The following FRMPD4 variants were observed in gnomAD, a reference collection of about 807,000 sequenced individuals.
The protein encoded by FRMPD4 is FERM and PDZ domain-containing protein 4.
A neutral mutation model predicts 94.1 loss-of-function variants in FRMPD4; 22 were observed. The observed-to-expected ratio is 0.23, with a 90% CI of 0.17 to 0.33. The LOEUF is 0.33. Ranked by LOEUF, FRMPD4 falls within the 10% of genes least tolerant of loss-of-function variation. FRMPD4 has a pLI of 1.00. For synonymous variants in FRMPD4, 631 were observed against 548.6 expected (o/e 1.15, Z -2.10); for missense variants, 1,111 against 1,339.9 (o/e 0.83, Z 2.67).
chrX:11,991,453 C>T (rs1049789732), intron 3 of FRMPD4, among the ~76,000 whole-genome samples: 1 of 111,827 alleles, frequency 8.9e-6, no homozygotes, highest in African/African-American at 3.2e-5. Flanking sequence ...CTTACTTTGT[C>T]TTTTTTCTGG....
chrX:12,483,422 AAAGTT>A (rs760306761), intron 1 of FRMPD4, among the ~76,000 whole-genome samples: 47 of 112,246 alleles, frequency 4.2e-4, no homozygotes, highest in Non-Finnish European at 4.3e-4. Flanking sequence ...GGGAGACAAC[AAAGTT>A]AAGTATTAAA....
intron 2 of FRMPD4, among the ~76,000 whole-genome samples, chrX:12,499,895 G>A (rs758640431): frequency 2.7e-5 from 3 of 111,907 alleles, no homozygotes; most frequent in South Asian, 3.8e-4. Flanking sequence ...ATACCTAGGC[G>A]TGGAGTTGCT....
intron 1 of FRMPD4, among the ~76,000 whole-genome samples, chrX:12,314,008 G>A (rs979063321): frequency 8.9e-6 from 1 of 112,247 alleles, no homozygotes. Flanking sequence ...TATAAACATT[G>A]TATCAGTAAG....
intron 1 of FRMPD4, among the ~76,000 whole-genome samples, chrX:12,229,973 T>A (rs2056965864): frequency 8.9e-6 from 1 of 112,039 alleles, no homozygotes; most frequent in Non-Finnish European, 1.9e-5. Flanking sequence ...TTGAATCTTT[T>A]GACCCCACCT....
Position 11,915,514 on chromosome X carries a change from G to A in FRMPD4, c.95+37496G>A, listed in dbSNP as rs775743992. ...AAAGAAGTCCTTGCCCTCATATGGA[G>A]AGCATATGGTACAGAGCTGTGCTGT... On this transcript the variant is annotated intron_variant, in intron 3 of 18. Transcript: ENST00000640291. Among the ~76,000 whole-genome samples, 17 of 112,680 alleles carry A rather than the reference G, an allele frequency of 1.5e-4. No individual in the cohort carries two copies. The South Asian group carries it at 5.5e-3, about 37-fold the overall frequency.
intron 3 of FRMPD4, among the ~76,000 whole-genome samples, chrX:12,092,422 T>A (rs1404593552): frequency 1.8e-5 from 2 of 112,084 alleles, no homozygotes; most frequent in Non-Finnish European, 3.8e-5. Context: ...TCCCTGTTGA[T>A]AATAGCTTTT....
chrX:12,642,042 A>G (rs780577739), intron 4 of FRMPD4, among the ~76,000 whole-genome samples: 12 of 101,556 alleles, frequency 1.2e-4, no homozygotes, highest in Admixed American at 2.1e-4. Flanking sequence ...TTCCTGTTTT[A>G]GAAGTGAAGA....
chrX:12,331,260 G>GTC (rs1316992669), intron 1 of FRMPD4, among the ~76,000 whole-genome samples: 1 of 100,513 alleles, frequency 9.9e-6, no homozygotes, highest in African/African-American at 3.7e-5. Context: ...GGAAAATCTT[G>GTC]TCCATTTTGA....
intron 3 of FRMPD4, among the ~76,000 whole-genome samples, chrX:12,100,201 G>T (rs2147508329): frequency 8.9e-6 from 1 of 112,093 alleles, no homozygotes; most frequent in Admixed American, 9.5e-5. Context: ...CCTAATCTTA[G>T]ATAGAATCTC....
At chrX:12,445,577 C>T (rs768133378) in intron 1 of FRMPD4, among the ~76,000 whole-genome samples, 9 of 112,087 alleles carry the variant, frequency 8.0e-5, no homozygotes, top group East Asian at 5.6e-4. Context: ...TGTAAAAGGT[C>T]GGTAGTTATA....
intron 1 of FRMPD4, among the ~76,000 whole-genome samples, chrX:12,478,272 A>T (rs1407674550): frequency 8.9e-6 from 1 of 111,900 alleles, no homozygotes; most frequent in Non-Finnish European, 1.9e-5. Context: ...AGGGAAGGAC[A>T]GGCCCTAAGA....
intron 1 of FRMPD4, among the ~76,000 whole-genome samples, chrX:12,214,937 A>G (rs2056790887): frequency 8.9e-6 from 1 of 112,043 alleles, no homozygotes; most frequent in Admixed American, 9.5e-5. Flanking sequence ...GAAACATGTA[A>G]TTGGTAATTA....
chrX:12,678,166 A>G (rs2059920522), intron 5 of FRMPD4, among the ~76,000 whole-genome samples: 1 of 112,540 alleles, frequency 8.9e-6, no homozygotes, highest in Admixed American at 9.4e-5. Context: ...TATAAGCATC[A>G]CTTAAATGGC....
intron 1 of FRMPD4, among the ~76,000 whole-genome samples, chrX:12,381,785 C>G (rs1266460650): frequency 2.7e-5 from 3 of 111,739 alleles, no homozygotes; most frequent in African/African-American, 9.8e-5. Context: ...AATGGAGTAA[C>G]TATACCAGGG....
At chrX:12,607,452 A>G (rs1380455853) in intron 2 of FRMPD4, among the ~76,000 whole-genome samples, 1 of 111,535 alleles carries the variant, frequency 9.0e-6, no homozygotes, top group African/African-American at 3.3e-5. Context: ...GTGACACAGG[A>G]CCCTGGGCTG....
chrX:12,535,242 T>C (rs1417473787), intron 2 of FRMPD4, among the ~76,000 whole-genome samples: 6 of 111,849 alleles, frequency 5.4e-5, no homozygotes. Flanking sequence ...ATCATTATTG[T>C]GAGCCCTCCC....
In FRMPD4 at chrX:12,331,746, AT is replaced by A. The variant is rs1379578784; in HGVS notation, c.42-166933del. ...TATAGTATATAAATATATAATTTATATATTTATATACTATATATAAATTATA... is the reference window on the plus strand; with the variant it reads ...TATAGTATATAAATATATAATTTATAATTTATATACTATATATAAATTATA... On this transcript the variant is annotated intron_variant, in intron 1 of 16. Transcript: ENST00000675598. 8.4e-3 allele frequency among the ~76,000 whole-genome samples: 496 copies of A among 58,992 alleles called. 15 individuals carry two copies. Among genetic ancestry groups the A allele is most frequent in the Non-Finnish European group, 0.012 (415 of 35,214 alleles). 51.2% of individuals were successfully genotyped at this position (58,992 alleles called of 115,157 possible).
At chrX:12,553,001 C>G (rs1012930603) in intron 2 of FRMPD4, among the ~76,000 whole-genome samples, 1 of 111,130 alleles carries the variant, frequency 9.0e-6, no homozygotes, top group African/African-American at 3.3e-5. Flanking sequence ...CCAAAAAATA[C>G]AAGAGTTAGC....
Position 12,289,428 on chromosome X carries a change from A to G in FRMPD4, c.41+150416A>G, listed in dbSNP as rs578169821. Among the ~76,000 whole-genome samples, 4 of 112,355 alleles carry G rather than the reference A, an allele frequency of 3.6e-5. 1 individual carries two copies. Among genetic ancestry groups the G allele is most frequent in the Admixed American group, 2.8e-4 (3 of 10,596 alleles). ...TAACAACACGAAGTGAGATTTAAAA[A>G]TCCAGTTGCTCTGTTGCACTAGGGG... On this transcript the variant is annotated intron_variant, in intron 1 of 16. Coordinates refer to ENST00000675598, the MANE Select transcript of FRMPD4 (RefSeq NM_001368397.1).
Sources: gnomAD v4.1 joint callset for allele counts (sites outside exome capture counted in the v4.1 genomes callset) on GRCh38, gnomAD v4.1.1 for gene constraint, MANE v1.5 for transcripts, NCBI Gene and HGNC (gene_info 2026-07-23, HGNC 2026-07-21) for gene names.